Variants in AZIN2 observed in about 807,000 individuals in gnomAD.
The protein encoded by AZIN2 is antizyme inhibitor 2.
AZIN2 carries 28 observed loss-of-function variants against 47.8 expected under a neutral mutation model. The observed-to-expected ratio is 0.59, with a 90% CI of 0.43 to 0.80. The LOEUF is 0.80. AZIN2 is among the 30% of genes least tolerant of loss of function. The pLI, the probability that AZIN2 is intolerant of heterozygous loss-of-function variation, is 0.00. For synonymous variants in AZIN2, 221 were observed against 239.4 expected, an observed-to-expected ratio of 0.92 and a Z score of 0.71; for missense variants, 535 against 582.5, an observed-to-expected ratio of 0.92 and a Z score of 0.84.
chr1:33,115,620 C>CT (rs11394348), intron 10 of AZIN2, among the ~76,000 whole-genome samples: 152,216 of 152,216 alleles, frequency 1, 76,108 homozygotes, highest in Non-Finnish European at 1. Context: ...AGGAGAATCG[C>CT]TGAACCCAGG....
At chr1:33,133,267 A>G in the AZIN2 span, among the ~76,000 whole-genome samples, 1 of 152,372 alleles carries the variant, frequency 6.6e-6, no homozygotes, top group South Asian at 2.1e-4. Flanking sequence ...GCGAGGCTTT[A>G]TCCAGCTAAG....
At chr1:33,110,053 A>C (rs935485320) in intron 10 of AZIN2, among the ~76,000 whole-genome samples, 1 of 152,224 alleles carries the variant, frequency 6.6e-6, no homozygotes, top group Admixed American at 6.5e-5. Context: ...ACCCAAAAGA[A>C]GTACATCCTT....
the AZIN2 span, among the ~76,000 whole-genome samples, chr1:33,156,756 T>C: frequency 3.1e-3 from 476 of 152,358 alleles, 1 homozygote; most frequent in Middle Eastern, 0.061. Flanking sequence ...GCATCAGTGC[T>C]GAGATAACTA....
Position 33,122,398 on chromosome 1 carries a change from T to C in AZIN2, c.*2216T>C, listed in dbSNP as rs550889669. Among the ~76,000 whole-genome samples, 4 of 152,372 alleles carry C rather than the reference T, an allele frequency of 2.6e-5. No individual in the cohort carries two copies. The South Asian group carries it at 8.3e-4, about 32-fold the overall frequency. On this transcript the variant is annotated 3_prime_UTR_variant, in exon 12 of 12. Transcript: ENST00000294517. ...CCATTTGCAGCAAGGATGTGAAATT[T>C]ACTTTTCCAAGAAAGATACACGCAG...
chr1:33,126,369 C>T (rs1201438255), downstream of AZIN2, among the ~76,000 whole-genome samples: 3 of 152,168 alleles, frequency 2.0e-5, no homozygotes, highest in Non-Finnish European at 2.9e-5. Context: ...TGTAGTTTTC[C>T]TCTCTAAATA....
chr1:33,143,846 C>T, the AZIN2 span, among the ~76,000 whole-genome samples: 1 of 152,224 alleles, frequency 6.6e-6, no homozygotes, highest in East Asian at 1.9e-4. Flanking sequence ...ATGGAAGAAG[C>T]TACTTCCCTC....
intron 10 of AZIN2, among the ~76,000 whole-genome samples, chr1:33,099,377 C>G (rs1643472748): frequency 1.3e-5 from 2 of 152,188 alleles, no homozygotes; most frequent in South Asian, 4.1e-4. Flanking sequence ...CAGAGTAGGC[C>G]TCCCCAAGGT....
At chr1:33,150,169 G>A in the AZIN2 span, among the ~76,000 whole-genome samples, 1 of 152,248 alleles carries the variant, frequency 6.6e-6, no homozygotes, top group Non-Finnish European at 1.5e-5. Flanking sequence ...GCAACAGCAA[G>A]ACAGAGATGA....
Position 33,093,301 on chromosome 1 carries a change from A to G in AZIN2, c.472A>G (p.Thr158Ala), listed in dbSNP as rs377745464. 1.2e-5 allele frequency: 20 copies of G among 1,613,894 alleles called. 1 individual carries two copies. The highest frequency in any genetic ancestry group is 1.7e-5 in the Non-Finnish European group (20 of 1,179,984). The part of the protein sequence containing the change: ...PSAKMVLCIA[T>A]DDSHSLSCLS... ...CATCAGGATGGTTCTGTGCATTGCT[A>G]CCGATGACTCCCACTCCCTGAGCTG... Residue 158 changes from threonine (T) to alanine (A), a missense_variant, in exon 7 of 12, where the codon ACC becomes GCC. Coordinates refer to ENST00000294517, the MANE Select transcript of AZIN2 (RefSeq NM_052998.4).
intron 8 of AZIN2, among the ~76,000 whole-genome samples, chr1:33,094,960 T>C (rs1488997573): frequency 6.6e-6 from 1 of 152,158 alleles, no homozygotes; most frequent in Non-Finnish European, 1.5e-5. Flanking sequence ...CTTCAGCCAA[T>C]TGGAGGCATA....
In AZIN2 at chr1:33,120,076, A is replaced by G. The variant is rs1644750121; in HGVS notation, c.1277A>G (p.Glu426Gly). Residue 426 changes from glutamate to glycine, a missense_variant, in exon 12 of 12, where the codon GAA becomes GGA. This residue lies in a region of AZIN2 where 122 missense variants were observed against 135.8 expected (regional missense o/e 0.90). Transcript: ENST00000294517. Reference sequence around the variant, plus strand: ...CTGCGAAGGCAGCTGATGGCTGCAGAACAGGAGGATGACGTGGAGGGTGTG... The same window carrying G: ...CTGCGAAGGCAGCTGATGGCTGCAGGACAGGAGGATGACGTGGAGGGTGTG... Reference protein sequence around the residue: ...EALRRQLMAAEQEDDVEGVCK... With the variant: ...EALRRQLMAAGQEDDVEGVCK... 6.2e-7 allele frequency: 1 copy of G among 1,613,900 alleles called. No homozygotes were observed. The highest frequency in any genetic ancestry group is 1.1e-5 in the South Asian group (1 of 91,096).
chr1:33,082,158 C>A lies in AZIN2; in HGVS notation c.-72-20C>A. 9.1e-7 allele frequency: 1 copy of A among 1,103,218 alleles called. No homozygotes were observed. Among genetic ancestry groups the A allele is most frequent in the Non-Finnish European group, 1.3e-6 (1 of 742,018 alleles). 68.3% of individuals were successfully genotyped at this position (1,103,218 alleles called of 1,614,324 possible). A position where few individuals can be genotyped will look rare whatever the true frequency, so the allele number is the denominator to read the frequency against. ...GAGCCGGCCCCCCAGCGGTTCCCTT[C>A]ATCTCCCCTCGCCCCGCAGTGTGTT... On this transcript the variant is annotated intron_variant, in intron 3 of 11. Coordinates refer to ENST00000294517, the MANE Select transcript of AZIN2 (RefSeq NM_052998.4).
At chr1:33,142,840 C>T in the AZIN2 span, 1 of 152,222 alleles carries the variant, frequency 6.6e-6, no homozygotes, top group African/African-American at 2.4e-5. Flanking sequence ...TGATTTCCAG[C>T]TCTGCCGAGT....
At chr1:33,088,569 G>C (rs1460091633) in intron 5 of AZIN2, among the ~76,000 whole-genome samples, 1 of 152,160 alleles carries the variant, frequency 6.6e-6, no homozygotes, top group Non-Finnish European at 1.5e-5. Flanking sequence ...CACATGCAGG[G>C]TAAAACATGT....
intron 9 of AZIN2, 42 bp downstream of exon 9, chr1:33,096,911 G>A (rs2124551875): frequency 1.2e-6 from 2 of 1,612,532 alleles, no homozygotes; most frequent in Middle Eastern, 1.7e-4. Context: ...CTCCCCTGAA[G>A]CTTCAGATAG....
At chr1:33,115,145 A>G (rs191171648) in intron 10 of AZIN2, among the ~76,000 whole-genome samples, 2 of 152,188 alleles carry the variant, frequency 1.3e-5, no homozygotes, top group Middle Eastern at 3.4e-3. Flanking sequence ...TGGGCAGGTC[A>G]CCTTCCCTCT....
At chr1:33,137,764 G>T in the AZIN2 span, among the ~76,000 whole-genome samples, 1 of 152,282 alleles carries the variant, frequency 6.6e-6, no homozygotes, top group Admixed American at 6.5e-5. Flanking sequence ...ATACCTACCT[G>T]CCCCTGTCCC....
chr1:33,084,117 G>T lies in AZIN2; in HGVS notation c.269G>T (p.Cys90Phe). 1 of 1,610,792 alleles carries T rather than the reference G, an allele frequency of 6.2e-7. No individual in the cohort carries two copies. The highest frequency in any genetic ancestry group is 8.5e-7 in the Non-Finnish European group (1 of 1,180,014). ...VLAQLGLGFS[C>F]ANKAEMELVQ... ...GCCCAGCTGGGGCTGGGCTTTAGCT[G>T]TGCCAACAAGGTGAGCCCTGCCCGC... The change falls in exon 5 of 12, where the codon TGT (cysteine) becomes TTT (phenylalanine). Residue 90 changes from cysteine (C) to phenylalanine (F), a missense_variant. Coordinates refer to ENST00000294517, the MANE Select transcript of AZIN2 (RefSeq NM_052998.4).
the AZIN2 span, chr1:33,142,468 T>A: frequency 6.6e-6 from 1 of 152,228 alleles, no homozygotes; most frequent in Non-Finnish European, 1.5e-5. Flanking sequence ...ACTTACAGAA[T>A]CCTGGACCAT....
Sources: allele counts gnomAD v4.1 joint callset (sites outside exome capture counted in the v4.1 genomes callset), GRCh38; gene constraint gnomAD v4.1.1; regional missense constraint gnomAD v4.1.1; transcripts MANE v1.5; gene names NCBI Gene and HGNC (gene_info 2026-07-23, HGNC 2026-07-21).